The following PDC variants were observed in gnomAD, a reference collection of about 807,000 sequenced individuals.
PDC encodes the protein 33 kDa phototransducing protein.
PDC carries 19 observed loss-of-function variants against 22.2 expected under a neutral mutation model. The ratio of observed to expected loss-of-function variants is 0.86; its 90% confidence interval spans 0.60 to 1.26. PDC has a LOEUF of 1.26. PDC is among the 50% of genes most tolerant of loss of function. The probability of loss-of-function intolerance (pLI) is 0.00; values close to 1 mark genes in which losing one functional copy is unlikely to be tolerated. For synonymous variants in PDC, 97 were observed against 96.2 expected (o/e 1.01, Z -0.05); for missense variants, 274 against 286.8 (o/e 0.96, Z 0.32).
chr1:186,455,543 T>C (rs1662439467), intron 1 of PDC, among the ~76,000 whole-genome samples: 1 of 152,112 alleles, frequency 6.6e-6, no homozygotes, highest in South Asian at 2.1e-4. Flanking sequence ...ACCTACCCTT[T>C]AAAATTGCAG....
chr1:186,454,145 C>CT (rs1662405256), intron 1 of PDC, among the ~76,000 whole-genome samples: 1 of 140,270 alleles, frequency 7.1e-6, no homozygotes, highest in African/African-American at 2.6e-5. Context: ...ATAGAAGAGT[C>CT]TGTTTATTTC....
At chr1:186,454,516 A>G (rs1229747233) in intron 1 of PDC, among the ~76,000 whole-genome samples, 2 of 151,790 alleles carry the variant, frequency 1.3e-5, no homozygotes, top group East Asian at 3.9e-4. Flanking sequence ...ACTAATAACG[A>G]CTCTGGAAGG....
chr1:186,459,175 AAG>A (rs1662528758), intron 1 of PDC, among the ~76,000 whole-genome samples: 1 of 152,156 alleles, frequency 6.6e-6, no homozygotes, highest in South Asian at 2.1e-4. Context: ...AAAAGAAAAA[AAG>A]AAAAAGAAAG....
intron 1 of PDC, among the ~76,000 whole-genome samples, chr1:186,456,088 A>G (rs1029616675): frequency 1.4e-5 from 2 of 144,088 alleles, no homozygotes; most frequent in African/African-American, 5.1e-5. Context: ...TTGGCCAGTT[A>G]CTGGCTTGTT....
intron 1 of PDC, chr1:186,451,848 C>A (rs1375460312): frequency 6.6e-6 from 1 of 152,280 alleles, no homozygotes; most frequent in African/African-American, 2.4e-5. Context: ...TTTTCCTGGG[C>A]TCTGAATTAC....
intron 2 of PDC, among the ~76,000 whole-genome samples, chr1:186,447,940 A>G (rs1571721477): frequency 1.3e-5 from 2 of 152,090 alleles, no homozygotes; most frequent in East Asian, 3.9e-4. Flanking sequence ...TTTCTGTTTC[A>G]TACTATATCT....
At chr1:186,458,890 G>C (rs1054308202) in intron 1 of PDC, among the ~76,000 whole-genome samples, 1 of 152,148 alleles carries the variant, frequency 6.6e-6, no homozygotes, top group Non-Finnish European at 1.5e-5. Flanking sequence ...GGCTGCGCGC[G>C]GTGGCTCACG....
At chr1:186,450,056 A>G (rs1266620651) in intron 1 of PDC, among the ~76,000 whole-genome samples, 1 of 152,198 alleles carries the variant, frequency 6.6e-6, no homozygotes, top group Non-Finnish European at 1.5e-5. Context: ...TACTTGCCCA[A>G]GATCATACAA....
At position 186,443,711 on chromosome 1, in the gene PDC, G is replaced by A. The variant is rs957077841; in HGVS notation, c.*268C>T. On this transcript the variant is annotated 3_prime_UTR_variant, in exon 4 of 4. Coordinates refer to ENST00000391997, the MANE Select transcript of PDC (RefSeq NM_002597.5). Reference sequence around the variant, plus strand: ...AAAAAGACAAAACATAACTTGAAAGGGATTTTTGAAAAATGTCATAATATT... The same window carrying A: ...AAAAAGACAAAACATAACTTGAAAGAGATTTTTGAAAAATGTCATAATATT... 2.2e-5 allele frequency: 7 copies of A among 314,144 alleles called. No individual in the cohort carries two copies. The highest frequency in any genetic ancestry group is 3.5e-5 in the Non-Finnish European group (6 of 171,644). 19.5% of individuals were successfully genotyped at this position (314,144 alleles called of 1,614,324 possible).
Position 186,444,217 on chromosome 1 carries a change from CAA to C in PDC, c.501_502del (p.Phe167LeufsTer2), listed in dbSNP as rs1242787403. 15 of 1,614,010 alleles carry C rather than the reference CAA, an allele frequency of 9.3e-6. No homozygotes were observed. Among genetic ancestry groups the C allele is most frequent in the Non-Finnish European group, 1.3e-5 (15 of 1,179,952 alleles). ...ACCTGTATTCGAAGCTTTTATTTTA[CAA>C]AACTTAACTATAGGGTATTCTGCTG... On this transcript the variant is annotated frameshift_variant, in exon 4 of 4. Coordinates refer to ENST00000391997, the MANE Select transcript of PDC (RefSeq NM_002597.5). LOFTEE classifies it high-confidence loss of function.
At position 186,444,089 on chromosome 1, in the gene PDC, C is replaced by A. The variant is rs776056428; in HGVS notation, c.631G>T (p.Glu211Ter). 43 of 1,613,854 alleles carry A rather than the reference C, an allele frequency of 2.7e-5. No homozygotes were observed. The highest frequency in any genetic ancestry group is 3.3e-5 in the Admixed American group (2 of 59,992). Residue 211 changes from glutamate (E) to a stop codon, truncating the protein, a stop_gained, in exon 4 of 4, where the codon GAA (glutamate) becomes TAA (stop). Transcript: ENST00000391997. LOFTEE classifies it high-confidence loss of function. ...GACTCCACATCCCCAGCAAAAAATT[C>A]TTCAGCAAACTGTTCAGCAACACTA... is the stretch of plus-strand genomic sequence containing the variant. Reference protein sequence around the residue: ...FISVAEQFAEEFFAGDVESFL... With the variant: ...FISVAEQFAE
intron 2 of PDC, 49 bp downstream of exon 2, chr1:186,449,350 C>G: frequency 9.3e-7 from 1 of 1,078,742 alleles, no homozygotes; most frequent in African/African-American, 1.6e-5. Context: ...TAGATATTGC[C>G]ATATTTAATT....
At chr1:186,460,956 A>AT (rs1393546684) in intron 1 of PDC, 103 bp downstream of exon 1, 4 of 154,684 alleles carry the variant, frequency 2.6e-5, no homozygotes, top group African/African-American at 9.6e-5. Flanking sequence ...ACTTTGAACT[A>AT]TTTTACATTA....
chr1:186,444,498 A>G lies in PDC; in HGVS notation c.222T>C (p.Ile74=). 6.3e-7 allele frequency: 1 copy of G among 1,581,424 alleles called. No individual in the cohort carries two copies. The highest frequency in any genetic ancestry group is 1.3e-5 in the African/African-American group (1 of 74,264). ...SKERVSRKMS[I]QEYELIHKEK... is the part of the protein sequence containing the mutation. ...CTTTATGGATTAGTTCATATTCTTG[A>G]ATGCTCATCTGAGAATAAAGAAATG... Residue 74 remains isoleucine, a synonymous_variant, in exon 4 of 4, where the codon ATT becomes ATC. Transcript: ENST00000391997.
At chr1:186,448,565 T>G (rs6672836) in intron 2 of PDC, 7 of 283,866 alleles carry the variant, frequency 2.5e-5, no homozygotes, top group Non-Finnish European at 3.7e-5. Context: ...CCCTGTCTCC[T>G]ACTTTCCCTC....
chr1:186,458,485 C>T (rs546778558), intron 1 of PDC, among the ~76,000 whole-genome samples: 1 of 150,374 alleles, frequency 6.7e-6, no homozygotes, highest in South Asian at 2.1e-4. Context: ...AGAAGCCACT[C>T]CACCACACTT....
At chr1:186,457,663 C>T (rs1005194226) in intron 1 of PDC, among the ~76,000 whole-genome samples, 1 of 152,020 alleles carries the variant, frequency 6.6e-6, no homozygotes, top group Non-Finnish European at 1.5e-5. Flanking sequence ...TGGGATAGGT[C>T]AATTTTTACA....
In PDC at chr1:186,446,408, C is replaced by CT; in HGVS notation, c.213+17dup. ...ACACATTGTAAATTATTTATTACTG[C>CT]TTTTTGTATTATCTTACCTTTCTGC... On this transcript the variant is annotated intron_variant, in intron 3 of 3. Coordinates refer to ENST00000391997, the MANE Select transcript of PDC (RefSeq NM_002597.5). The CT allele has an allele frequency of 6.5e-7, 1 of 1,542,556 alleles. No individual in the cohort carries two copies. Among genetic ancestry groups the CT allele is most frequent in the South Asian group, 1.2e-5 (1 of 82,786 alleles).
chr1:186,454,379 A>G (rs1009606928), intron 1 of PDC, among the ~76,000 whole-genome samples: 2 of 151,924 alleles, frequency 1.3e-5, no homozygotes, highest in African/African-American at 4.8e-5. Context: ...GGGTTTCACC[A>G]TGTTGGCCAG....
Sources: allele counts gnomAD v4.1 joint callset (sites outside exome capture counted in the v4.1 genomes callset), GRCh38; gene constraint gnomAD v4.1.1; transcripts MANE v1.5; gene names NCBI Gene and HGNC (gene_info 2026-07-23, HGNC 2026-07-21).